The following KIF1B variants were observed in gnomAD, a reference collection of about 807,000 sequenced individuals.
KIF1B encodes kinesin-like protein KIF1B.
Under a neutral mutation model 241.9 loss-of-function variants are expected in KIF1B, and 76 were observed. The ratio of observed to expected loss-of-function variants is 0.31; its 90% CI spans 0.26 to 0.38. KIF1B has a LOEUF of 0.38. KIF1B is among the 10% of genes least tolerant of loss of function. KIF1B has a pLI of 1.00. For missense variants in KIF1B, 1,622 were observed against 2,271.4 expected, an observed-to-expected ratio of 0.71 and a Z score of 5.81; for synonymous variants, 750 against 796.7, an observed-to-expected ratio of 0.94 and a Z score of 0.99.
At chr1:10,315,529 A>G (rs891971109) in intron 22 of KIF1B, among the ~76,000 whole-genome samples, 4 of 151,438 alleles carry the variant, frequency 2.6e-5, no homozygotes, top group African/African-American at 9.8e-5. Flanking sequence ...TACTGATTCA[A>G]TATTGATTCA....
intron 22 of KIF1B, among the ~76,000 whole-genome samples, chr1:10,298,197 G>A (rs1185691186): frequency 6.6e-6 from 1 of 152,166 alleles, no homozygotes; most frequent in Non-Finnish European, 1.5e-5. Context: ...AGATTCAGTT[G>A]TATCTTTCTT....
In KIF1B at chr1:10,371,244, G is replaced by T. The variant is rs2102358222; in HGVS notation, c.4928G>T (p.Ser1643Ile). Residue 1643 changes from serine to isoleucine, a missense_variant, in exon 45 of 49, where the codon AGC becomes ATC. Physicochemically the swap from Ser to Ile is moderately radical, Grantham distance 142. This residue lies in a region of KIF1B where 357 missense variants were observed against 409.0 expected (regional missense o/e 0.87). Coordinates refer to ENST00000676179, the MANE Select transcript of KIF1B (RefSeq NM_001365951.3). ...TGTCCCTCTCTGGTAGACTCTAGGA[G>T]CAACTCTCTGGATCAGAAGTAAGTA... ...STCPSLVDSR[S>I]NSLDQKTPEA... 6.2e-7 allele frequency: 1 copy of T among 1,614,142 alleles called. No individual in the cohort carries two copies. Among genetic ancestry groups the T allele is most frequent in the Non-Finnish European group, 8.5e-7 (1 of 1,180,010 alleles).
At chr1:10,232,149 T>A in intron 1 of KIF1B, 101 bp from the exon 2 acceptor site, 1 of 584,500 alleles carries the variant, frequency 1.7e-6, no homozygotes, top group Non-Finnish European at 3.0e-6. Flanking sequence ...TTTTTATAAA[T>A]GGAAACAGAA....
At chr1:10,325,451 A>G (rs1331671293) in intron 26 of KIF1B, among the ~76,000 whole-genome samples, 1 of 152,180 alleles carries the variant, frequency 6.6e-6, no homozygotes, top group Non-Finnish European at 1.5e-5. Context: ...TCAAATTTTC[A>G]AAGCAGGGAA....
intron 15 of KIF1B, among the ~76,000 whole-genome samples, chr1:10,286,153 C>A (rs4845933): frequency 0.24 from 35,922 of 151,846 alleles, 4,891 homozygotes; most frequent in Admixed American, 0.31. Context: ...AACTCTCCTG[C>A]CTCAGCCTTC....
intron 4 of KIF1B, among the ~76,000 whole-genome samples, chr1:10,261,626 C>T (rs766827175): frequency 5.9e-5 from 9 of 152,128 alleles, no homozygotes; most frequent in Non-Finnish European, 1.0e-4. Context: ...TACACAGGGT[C>T]AGGATCATCA....
chr1:10,241,780 A>G (rs778677621), intron 2 of KIF1B, among the ~76,000 whole-genome samples: 1 of 151,744 alleles, frequency 6.6e-6, no homozygotes, highest in Non-Finnish European at 1.5e-5. Flanking sequence ...CTTCTTTGCA[A>G]CTCTCAAGAG....
At chr1:10,312,452 T>C (rs1651108436) in intron 22 of KIF1B, among the ~76,000 whole-genome samples, 1 of 151,484 alleles carries the variant, frequency 6.6e-6, no homozygotes, top group Non-Finnish European at 1.5e-5. Flanking sequence ...TTAAAACATA[T>C]CCCAGCTCTA....
At chr1:10,270,861 G>A (rs1009473120) in intron 7 of KIF1B, among the ~76,000 whole-genome samples, 5 of 151,648 alleles carry the variant, frequency 3.3e-5, no homozygotes, top group African/African-American at 1.2e-4. Flanking sequence ...AGGAGGTGGA[G>A]GTTGCAGTGA....
intron 1 of KIF1B, among the ~76,000 whole-genome samples, chr1:10,223,718 G>A (rs1646875342): frequency 6.6e-6 from 1 of 151,670 alleles, no homozygotes; most frequent in South Asian, 2.1e-4. Context: ...GCTAATTTTT[G>A]TATTTCTAGT....
intron 16 of KIF1B, 134 bp downstream of exon 16, chr1:10,291,295 T>C (rs1414547353): frequency 7.6e-6 from 5 of 658,018 alleles, no homozygotes; most frequent in East Asian, 5.6e-5. Flanking sequence ...ACCAAAAAAA[T>C]GGACAGGGAT....
chr1:10,304,538 A>G (rs1452794707), intron 22 of KIF1B: 3 of 1,613,978 alleles, frequency 1.9e-6, no homozygotes, highest in Admixed American at 3.3e-5. Flanking sequence ...ACTTCCTATC[A>G]GAAGCAGACT....
chr1:10,313,412 G>A (rs1651152234), intron 22 of KIF1B, among the ~76,000 whole-genome samples: 1 of 151,230 alleles, frequency 6.6e-6, no homozygotes, highest in Non-Finnish European at 1.5e-5. Flanking sequence ...AATAATTCAT[G>A]TTTAACATTA....
intron 22 of KIF1B, among the ~76,000 whole-genome samples, chr1:10,312,513 C>G (rs1651110940): frequency 6.6e-6 from 1 of 151,540 alleles, no homozygotes; most frequent in Admixed American, 6.6e-5. Context: ...TTACCATGGT[C>G]TATAAGGCCA....
intron 27 of KIF1B, among the ~76,000 whole-genome samples, chr1:10,328,371 T>C (rs1399435009): frequency 6.6e-6 from 1 of 152,104 alleles, no homozygotes; most frequent in African/African-American, 2.4e-5. Flanking sequence ...AGTCTCTGGG[T>C]TTTCCAGTGG....
At chr1:10,347,963 T>A (rs1652647564) in intron 36 of KIF1B, 136 bp downstream of exon 36, 1 of 717,780 alleles carries the variant, frequency 1.4e-6, no homozygotes, top group African/African-American at 1.8e-5. Context: ...TTGTCATTTT[T>A]TTTTTTTTCT....
intron 16 of KIF1B, 89 bp from the exon 17 acceptor site, chr1:10,291,958 G>A: frequency 9.2e-7 from 1 of 1,092,326 alleles, no homozygotes; most frequent in Non-Finnish European, 1.4e-6. Context: ...AGTTGTTTTT[G>A]CTTTGCAGGC....
At chr1:10,266,065 A>T (rs540019468) in intron 5 of KIF1B, among the ~76,000 whole-genome samples, 3 of 152,190 alleles carry the variant, frequency 2.0e-5, no homozygotes, top group African/African-American at 7.2e-5. Flanking sequence ...AATGTGGCCT[A>T]TTGTGATGAA....
intron 22 of KIF1B, chr1:10,307,752 T>G (rs1057480211): frequency 5.8e-5 from 60 of 1,034,208 alleles, no homozygotes; most frequent in Non-Finnish European, 6.7e-5. Flanking sequence ...GTTTATTCTA[T>G]TGAAGTTATG....
Sources: allele counts gnomAD v4.1 joint callset (sites outside exome capture counted in the v4.1 genomes callset), GRCh38; gene constraint gnomAD v4.1.1; regional missense constraint gnomAD v4.1.1; transcripts MANE v1.5; gene names NCBI Gene and HGNC (gene_info 2026-07-23, HGNC 2026-07-21).